ADGRB3: variants seen among roughly 807,000 people sequenced by gnomAD.
The protein encoded by ADGRB3 is adhesion G protein-coupled receptor B3.
In ADGRB3, 37 loss-of-function variants were observed where a neutral mutation model predicts 193.4. The observed-to-expected ratio is 0.19, with a 90% CI of 0.15 to 0.25. The LOEUF (loss-of-function observed/expected upper bound fraction) is 0.25. Ranked by LOEUF, ADGRB3 falls within the 10% of genes least tolerant of loss-of-function variation. ADGRB3 has a pLI of 1.00. For missense variants in ADGRB3, 1,637 were observed against 1,852.9 expected (o/e 0.88, Z 2.14); for synonymous variants, 690 against 644.2 (o/e 1.07, Z -1.08).
At chr6:69,093,538 G>A (rs1772776911) in intron 17 of ADGRB3, among the ~76,000 whole-genome samples, 1 of 151,782 alleles carries the variant, frequency 6.6e-6, no homozygotes, top group Non-Finnish European at 1.5e-5. Flanking sequence ...GGGATATGGG[G>A]TTGGGCAGCT....
At chr6:69,141,902 G>A (rs1774353108) in intron 17 of ADGRB3, among the ~76,000 whole-genome samples, 1 of 152,170 alleles carries the variant, frequency 6.6e-6, no homozygotes, top group Non-Finnish European at 1.5e-5. Flanking sequence ...TAAGAAGCAG[G>A]GTTGGGACTA....
intron 15 of ADGRB3, among the ~76,000 whole-genome samples, chr6:69,056,567 T>C (rs576954964): frequency 1.3e-5 from 2 of 152,346 alleles, no homozygotes; most frequent in South Asian, 4.1e-4. Context: ...TTGAATGTAT[T>C]TCTCTATGTT....
At chr6:68,840,438 T>C (rs1469227497) in intron 3 of ADGRB3, among the ~76,000 whole-genome samples, 1 of 127,032 alleles carries the variant, frequency 7.9e-6, no homozygotes, top group East Asian at 2.6e-4. Context: ...TCACCTAGGC[T>C]GGAGTGCAGT....
At chr6:69,349,121 A>C (rs187938295) in intron 26 of ADGRB3, among the ~76,000 whole-genome samples, 1 of 152,294 alleles carries the variant, frequency 6.6e-6, no homozygotes, top group East Asian at 1.9e-4. Context: ...GTCTGCCACA[A>C]AGGGGATGGC....
At chr6:69,331,822 T>G (rs901207855) in intron 23 of ADGRB3, 11 of 985,218 alleles carry the variant, frequency 1.1e-5, no homozygotes, top group Non-Finnish European at 1.3e-5. Context: ...AGTTGTAGAT[T>G]ACTAGAATCC....
intron 28 of ADGRB3, 40 bp downstream of exon 28, chr6:69,355,900 G>T (rs751334139): frequency 2.7e-6 from 4 of 1,471,844 alleles, no homozygotes; most frequent in Non-Finnish European, 2.8e-6. Context: ...CAGTAGGGAT[G>T]TTCAATCATT....
At chr6:68,978,578 ACT>A (rs1239015888) in intron 10 of ADGRB3, among the ~76,000 whole-genome samples, 3 of 151,368 alleles carry the variant, frequency 2.0e-5, no homozygotes, top group Non-Finnish European at 4.4e-5. Flanking sequence ...CATCATCCAC[ACT>A]CTGCATACTC....
chr6:68,740,264 T>C (rs1328815930), intron 3 of ADGRB3, among the ~76,000 whole-genome samples: 1 of 152,212 alleles, frequency 6.6e-6, no homozygotes, highest in African/African-American at 2.4e-5. Context: ...ATCACTTATA[T>C]CCAAAGTGAT....
chr6:68,782,754 G>T (rs952708902), intron 3 of ADGRB3, among the ~76,000 whole-genome samples: 27 of 151,994 alleles, frequency 1.8e-4, no homozygotes, highest in Middle Eastern at 3.4e-3. Flanking sequence ...TGTGTTTTTT[G>T]GCTGCATAAA....
At chr6:69,260,974 T>G (rs974431301) in intron 20 of ADGRB3, among the ~76,000 whole-genome samples, 1 of 152,150 alleles carries the variant, frequency 6.6e-6, no homozygotes, top group Non-Finnish European at 1.5e-5. Flanking sequence ...TAATGGCAAT[T>G]CTCAGTAAAT....
At chr6:68,682,757 T>G (rs1764917430) in intron 3 of ADGRB3, among the ~76,000 whole-genome samples, 1 of 151,862 alleles carries the variant, frequency 6.6e-6, no homozygotes, top group Admixed American at 6.6e-5. Context: ...TGATGCAATG[T>G]TTTCTTTTTC....
Position 69,368,600 on chromosome 6 carries a change from A to G in ADGRB3, c.4240-3806A>G, listed in dbSNP as rs914227500. ...AATGAATTATGGTATCCAGAAGAGA[A>G]TAAGAGAAAGAAGAGAGCCCAGGAA... On this transcript the variant is annotated intron_variant, in intron 29 of 31. Transcript: ENST00000370598. Among the ~76,000 whole-genome samples the G allele has an allele frequency of 2.0e-5, 3 of 152,244 alleles. No individual in the cohort carries two copies. The South Asian group carries it at 6.2e-4, about 32-fold the overall frequency.
At chr6:68,720,464 GTAC>G (rs1447458562) in intron 3 of ADGRB3, among the ~76,000 whole-genome samples, 1 of 151,678 alleles carries the variant, frequency 6.6e-6, no homozygotes, top group Non-Finnish European at 1.5e-5. Flanking sequence ...GAAGAGGCAA[GTAC>G]TCAGTGAAAT....
At chr6:68,641,838 A>G (rs984834420) in intron 3 of ADGRB3, among the ~76,000 whole-genome samples, 1 of 152,038 alleles carries the variant, frequency 6.6e-6, no homozygotes, top group Non-Finnish European at 1.5e-5. Context: ...AGTATATTCT[A>G]TCTTCAATAT....
chr6:69,010,609 G>A (rs1210673048), intron 11 of ADGRB3, among the ~76,000 whole-genome samples: 1 of 151,846 alleles, frequency 6.6e-6, no homozygotes, highest in Non-Finnish European at 1.5e-5. Context: ...ACAGATTCAA[G>A]ATATAAAGCA....
At chr6:68,907,675 A>T (rs936947819) in intron 3 of ADGRB3, among the ~76,000 whole-genome samples, 8 of 151,968 alleles carry the variant, frequency 5.3e-5, no homozygotes, top group African/African-American at 1.7e-4. Context: ...AATTCCTTGA[A>T]TGGACCCTGT....
chr6:69,350,334 G>A (rs1022091915), intron 26 of ADGRB3, among the ~76,000 whole-genome samples: 3 of 145,852 alleles, frequency 2.1e-5, no homozygotes, highest in African/African-American at 7.6e-5. Context: ...CCATTAGATT[G>A]CCTTAAAGTC....
chr6:68,790,315 C>T (rs753912054), intron 3 of ADGRB3, among the ~76,000 whole-genome samples: 5 of 152,082 alleles, frequency 3.3e-5, no homozygotes, highest in Non-Finnish European at 7.4e-5. Flanking sequence ...AACAAAGTGG[C>T]CTAATCAAGG....
intron 3 of ADGRB3, among the ~76,000 whole-genome samples, chr6:68,814,051 T>G (rs1358296488): frequency 6.6e-6 from 1 of 152,216 alleles, no homozygotes; most frequent in Non-Finnish European, 1.5e-5. Context: ...GCATGATTTA[T>G]AATCCTTTGG....
Sources: gnomAD v4.1 joint callset for allele counts (sites outside exome capture counted in the v4.1 genomes callset) on GRCh38, gnomAD v4.1.1 for gene constraint, MANE v1.5 for transcripts, NCBI Gene and HGNC (gene_info 2026-07-23, HGNC 2026-07-21) for gene names.